The following DSCAML1 variants were observed in gnomAD, a reference collection of about 807,000 sequenced individuals.
DSCAML1 encodes DS cell adhesion molecule like 1, also known as cell adhesion molecule DSCAML1.
Under a neutral mutation model 200.5 loss-of-function variants are expected in DSCAML1, and 38 were observed. That is an observed-to-expected ratio of 0.19 (90% CI 0.15 to 0.25). The LOEUF is 0.25. Ranked by LOEUF, DSCAML1 falls within the 10% of genes least tolerant of loss-of-function variation. The probability of loss-of-function intolerance (pLI) is 1.00; values close to 1 mark genes in which losing one functional copy is unlikely to be tolerated. For missense variants in DSCAML1, 2,223 were observed against 2,858.8 expected, an observed-to-expected ratio of 0.78 and a Z score of 5.07; for synonymous variants, 1,215 against 1,165.0, an observed-to-expected ratio of 1.04 and a Z score of -0.87.
At position 117,463,725 on chromosome 11, in the gene DSCAML1, T is replaced by C. The variant is rs942857134; in HGVS notation, c.3265+1217A>G. Among the ~76,000 whole-genome samples the C allele has an allele frequency of 2.0e-5, 3 of 152,198 alleles. No individual in the cohort carries two copies. In the East Asian group the frequency reaches 5.8e-4, roughly 29 times the overall value. On this transcript the variant is annotated intron_variant, in intron 17 of 32. Coordinates refer to ENST00000651296, the MANE Select transcript of DSCAML1 (RefSeq NM_020693.4). This position sits in a 1 kb window ranked among gnomAD's most constrained non-coding sequence, Gnocchi z 4.0. The stretch of plus-strand genomic sequence containing the variant: ...GCGGCTCTCCTCCCTCCCCCTGGAC[T>C]TCTCTGCCACGTGCCTCTTTCCTTC...
chr11:117,467,193 A>ACCCCC lies in DSCAML1; in HGVS notation c.3025-2012_3025-2011insGGGGG, dbSNP rs757481843. 4.0e-3 allele frequency among the ~76,000 whole-genome samples: 442 copies of ACCCCC among 109,436 alleles called. 14 individuals are homozygous for ACCCCC. The highest frequency in any genetic ancestry group is 8.3e-3 in the African/African-American group (187 of 22,590). The allele number at this position is 109,436 out of a possible 152,430, so 71.8% of individuals were successfully genotyped here. On this transcript the variant is annotated intron_variant, in intron 16 of 32. Transcript: ENST00000651296. The stretch of plus-strand genomic sequence containing the variant: ...CGCGCACGCATGCGCGTGCACACAC[A>ACCCCC]CCTCCCCCCTCCCCCCGCCGCCAAT...
chr11:117,537,693 TAAG>T (rs1008498325), intron 3 of DSCAML1, among the ~76,000 whole-genome samples: 4 of 152,318 alleles, frequency 2.6e-5, no homozygotes, highest in African/African-American at 9.6e-5. Flanking sequence ...AGTGTTCGTC[TAAG>T]AAGAGGGCGA....
intron 3 of DSCAML1, among the ~76,000 whole-genome samples, chr11:117,566,362 T>TTG (rs2050756981): frequency 6.6e-6 from 1 of 151,150 alleles, no homozygotes; most frequent in Non-Finnish European, 1.5e-5. Flanking sequence ...CTCTCTTTTT[T>TTG]TTTTTTCTAG....
At chr11:117,444,924 G>A (rs1156638076) in intron 20 of DSCAML1, among the ~76,000 whole-genome samples, 1 of 152,080 alleles carries the variant, frequency 6.6e-6, no homozygotes, top group African/African-American at 2.4e-5. Context: ...GGGAGAGGAG[G>A]ACAGCACCAG....
At chr11:117,680,527 C>A (rs776961305) in intron 3 of DSCAML1, among the ~76,000 whole-genome samples, 10 of 152,206 alleles carry the variant, frequency 6.6e-5, no homozygotes, top group Non-Finnish European at 1.2e-4. Context: ...AGGTGCAGCT[C>A]CAGGGCTGGG....
chr11:117,525,102 C>A lies in DSCAML1; in HGVS notation c.659-19G>T. ...GCAGGGTCTGGAAGGCAGAGAGGGTCGGCAGCCCTGGCCAGCCCTGGGTGG... is the reference window on the plus strand; with the variant it reads ...GCAGGGTCTGGAAGGCAGAGAGGGTAGGCAGCCCTGGCCAGCCCTGGGTGG... On this transcript the variant is annotated intron_variant, in intron 4 of 32. Coordinates refer to ENST00000651296, the MANE Select transcript of DSCAML1 (RefSeq NM_020693.4). 1.3e-6 allele frequency: 2 copies of A among 1,517,900 alleles called. No individual in the cohort carries two copies. The highest frequency in any genetic ancestry group is 1.8e-6 in the Non-Finnish European group (2 of 1,139,792). 94.0% of individuals were successfully genotyped at this position (1,517,900 alleles called of 1,614,324 possible).
intron 22 of DSCAML1, 67 bp from the exon 23 acceptor site, chr11:117,439,496 C>A (rs935436169): frequency 1.9e-6 from 3 of 1,555,796 alleles, no homozygotes; most frequent in Admixed American, 3.6e-5. Context: ...GCCCTCCCCC[C>A]GGTGTGTGAC....
In DSCAML1 at chr11:117,716,368, G is replaced by GGAGGTCT. The variant is rs894610785; in HGVS notation, c.511+60416_511+60422dup. On this transcript the variant is annotated intron_variant, in intron 3 of 32. Coordinates refer to ENST00000651296, the MANE Select transcript of DSCAML1 (RefSeq NM_020693.4). ...GACCCTTTCTGACCACTGATTCCCA[G>GGAGGTCT]GAGGTCTGCAGGAGAGATTAAAGGC... Among the ~76,000 whole-genome samples, 9 of 152,194 alleles carry GGAGGTCT rather than the reference G, an allele frequency of 5.9e-5. No homozygotes were observed. In the East Asian group the frequency reaches 1.3e-3, roughly 23 times the overall value.
chr11:117,476,557 T>G (rs2048796788), intron 14 of DSCAML1, among the ~76,000 whole-genome samples: 1 of 152,206 alleles, frequency 6.6e-6, no homozygotes, highest in Non-Finnish European at 1.5e-5. Flanking sequence ...CTACACCAGC[T>G]TGCGCTATGA....
At chr11:117,810,373 A>G (rs1183666933) in intron 1 of DSCAML1, among the ~76,000 whole-genome samples, 1 of 146,076 alleles carries the variant, frequency 6.8e-6, no homozygotes, top group Non-Finnish European at 1.5e-5. Context: ...TTATTTCCGC[A>G]CCCCGACCTC....
At chr11:117,519,446 TG>T (rs1379332978) in intron 6 of DSCAML1, among the ~76,000 whole-genome samples, 2 of 152,236 alleles carry the variant, frequency 1.3e-5, no homozygotes, top group African/African-American at 4.8e-5. Context: ...CTTCCTCACG[TG>T]GAACACGGGG....
At chr11:117,810,606 G>A (rs1032151280) in intron 1 of DSCAML1, among the ~76,000 whole-genome samples, 5 of 151,950 alleles carry the variant, frequency 3.3e-5, no homozygotes, top group Non-Finnish European at 5.9e-5. Flanking sequence ...GTATCCTTAA[G>A]AACTTAAAAC....
At chr11:117,675,887 C>T (rs1046750696) in intron 3 of DSCAML1, among the ~76,000 whole-genome samples, 1 of 152,144 alleles carries the variant, frequency 6.6e-6, no homozygotes, top group Non-Finnish European at 1.5e-5. Flanking sequence ...CAAACTGCAT[C>T]GAATGGCTCC....
At position 117,663,370 on chromosome 11, in the gene DSCAML1, G is replaced by A. The variant is rs377311086; in HGVS notation, c.511+113421C>T. 4.6e-5 allele frequency among the ~76,000 whole-genome samples: 7 copies of A among 152,096 alleles called. No homozygotes were observed. In the East Asian group the frequency reaches 1.4e-3, roughly 29 times the overall value. Reference sequence around the variant, plus strand: ...TCTACCTTTGGTTTCCCAGCCTGGCGCCCAGGACTCTGAGGCCATCCCCCA... The same window carrying A: ...TCTACCTTTGGTTTCCCAGCCTGGCACCCAGGACTCTGAGGCCATCCCCCA... On this transcript the variant is annotated intron_variant, in intron 3 of 32. Coordinates refer to ENST00000651296, the MANE Select transcript of DSCAML1 (RefSeq NM_020693.4).
intron 3 of DSCAML1, among the ~76,000 whole-genome samples, chr11:117,760,876 G>GAAA (rs2054788128): frequency 6.6e-6 from 1 of 152,160 alleles, no homozygotes; most frequent in Admixed American, 6.5e-5. Flanking sequence ...TACAGATGAG[G>GAAA]AAACTGACAT....
At chr11:117,449,519 A>T (rs748948518) in intron 20 of DSCAML1, among the ~76,000 whole-genome samples, 5 of 152,110 alleles carry the variant, frequency 3.3e-5, no homozygotes, top group Non-Finnish European at 5.9e-5. Flanking sequence ...ATTACTGAGC[A>T]ATTTCAGGGC....
chr11:117,757,196 C>T (rs2054708662), intron 3 of DSCAML1, among the ~76,000 whole-genome samples: 1 of 152,198 alleles, frequency 6.6e-6, no homozygotes, highest in Admixed American at 6.5e-5. Context: ...GGTACCTACA[C>T]TTCAATATGA....
intron 5 of DSCAML1, among the ~76,000 whole-genome samples, chr11:117,523,874 G>A (rs2049924669): frequency 6.6e-6 from 1 of 152,210 alleles, no homozygotes; most frequent in Non-Finnish European, 1.5e-5. Context: ...CCTCATTCCT[G>A]TCTCATGAGG....
chr11:117,653,502 T>C (rs572835263), intron 3 of DSCAML1, among the ~76,000 whole-genome samples: 32 of 152,260 alleles, frequency 2.1e-4, no homozygotes, highest in African/African-American at 2.4e-5. Flanking sequence ...CATCCTCCCC[T>C]GCTTGTAGAC....
Sources: allele counts gnomAD v4.1 joint callset (sites outside exome capture counted in the v4.1 genomes callset), GRCh38; gene constraint gnomAD v4.1.1; non-coding constraint Gnocchi (gnomAD v3.1); transcripts MANE v1.5; gene names NCBI Gene and HGNC (gene_info 2026-07-23, HGNC 2026-07-21).